The following CCNY variants were observed in gnomAD, a reference collection of about 807,000 sequenced individuals.
CCNY encodes the protein cyclin-Y.
Under a neutral mutation model 42.8 loss-of-function variants are expected in CCNY, and 19 were observed. The observed-to-expected ratio is 0.44, with a 90% CI of 0.31 to 0.65. The LOEUF (loss-of-function observed/expected upper bound fraction) is 0.65, where lower values mean the gene tolerates loss of function less well. Among genes scored for constraint, CCNY ranks in the 30% least tolerant of loss-of-function variants. The probability of loss-of-function intolerance (pLI) is 0.07; values close to 1 mark genes in which losing one functional copy is unlikely to be tolerated. For synonymous variants in CCNY, 165 were observed against 162.7 expected (o/e 1.01, Z -0.11); for missense variants, 370 against 437.3 (o/e 0.85, Z 1.37).
At chr10:35,384,830 A>G (rs1358086364) in intron 1 of CCNY, among the ~76,000 whole-genome samples, 1 of 152,160 alleles carries the variant, frequency 6.6e-6, no homozygotes, top group Non-Finnish European at 1.5e-5. Context: ...CTTCCGAGAC[A>G]GCAGGCCTGC....
At chr10:35,454,191 C>T (rs548152198) in intron 1 of CCNY, among the ~76,000 whole-genome samples, 104 of 152,310 alleles carry the variant, frequency 6.8e-4, no homozygotes, top group African/African-American at 2.4e-3. Context: ...CCCTGCCCAA[C>T]GGCACGCAAC....
At chr10:35,266,755 T>C (rs1589007451) in intron 3 of CCNY, among the ~76,000 whole-genome samples, 1 of 152,250 alleles carries the variant, frequency 6.6e-6, no homozygotes, top group East Asian at 1.9e-4. Flanking sequence ...GATTTGAATG[T>C]AATTCATTCC....
At chr10:35,509,422 C>T (rs900506569) in intron 3 of CCNY, among the ~76,000 whole-genome samples, 1 of 151,970 alleles carries the variant, frequency 6.6e-6, no homozygotes, top group African/African-American at 2.4e-5. Context: ...ATTACAGGCA[C>T]CTTCCACCAC....
intron 1 of CCNY, among the ~76,000 whole-genome samples, chr10:35,450,354 G>A (rs756307937): frequency 2.6e-5 from 4 of 152,126 alleles, no homozygotes; most frequent in Non-Finnish European, 4.4e-5. Flanking sequence ...GCAGGGCAGT[G>A]GCATCCTGGG....
intron 1 of CCNY, among the ~76,000 whole-genome samples, chr10:35,472,547 C>A (rs1272801165): frequency 6.6e-6 from 1 of 152,092 alleles, no homozygotes; most frequent in Non-Finnish European, 1.5e-5. Flanking sequence ...ATCCTCAGTA[C>A]CTGTAACTCA....
intron 3 of CCNY, among the ~76,000 whole-genome samples, chr10:35,318,498 GT>G (rs1402031380): frequency 6.6e-6 from 1 of 152,106 alleles, no homozygotes; most frequent in East Asian, 1.9e-4. Flanking sequence ...TTTTAATTAG[GT>G]TATATACAGA....
intron 7 of CCNY, among the ~76,000 whole-genome samples, chr10:35,549,103 A>ACG (rs1841184952): frequency 1.9e-5 from 1 of 51,920 alleles, no homozygotes; most frequent in African/African-American, 6.3e-5. Context: ...CACCCACCCC[A>ACG]CCCCCCCCCG....
chr10:35,365,381 A>G (rs537871031), intron 1 of CCNY, among the ~76,000 whole-genome samples: 2 of 152,342 alleles, frequency 1.3e-5, no homozygotes, highest in African/African-American at 2.4e-5. Flanking sequence ...CTTAAAGCCA[A>G]TACATAGATT....
chr10:35,483,590 G>T, intron 2 of CCNY, 112 bp downstream of exon 2: 2 of 687,888 alleles, frequency 2.9e-6, no homozygotes, highest in South Asian at 1.8e-5. Flanking sequence ...TCCCTTTAGT[G>T]ACCCACACAT....
chr10:35,261,274 C>T (rs942800807), intron 3 of CCNY, among the ~76,000 whole-genome samples: 25 of 141,740 alleles, frequency 1.8e-4, no homozygotes, highest in African/African-American at 5.6e-4. Context: ...GAGTCTCTGT[C>T]GCCGAGGCTG....
At chr10:35,280,183 C>A (rs1461544449) in intron 3 of CCNY, among the ~76,000 whole-genome samples, 1 of 152,038 alleles carries the variant, frequency 6.6e-6, no homozygotes, top group Non-Finnish European at 1.5e-5. Context: ...AAAAATTAGC[C>A]AAGCATGGTG....
intron 1 of CCNY, among the ~76,000 whole-genome samples, chr10:35,409,124 G>A (rs1564400163): frequency 6.6e-6 from 1 of 152,114 alleles, no homozygotes; most frequent in Admixed American, 6.5e-5. Flanking sequence ...GTTAGATTGT[G>A]TATTGCAACC....
chr10:35,414,464 A>T (rs1445959012), intron 1 of CCNY, among the ~76,000 whole-genome samples: 1 of 152,200 alleles, frequency 6.6e-6, no homozygotes, highest in Non-Finnish European at 1.5e-5. Context: ...GACAACTTGC[A>T]GGGGGGAAGT....
At chr10:35,460,211 C>G (rs1196871244) in intron 1 of CCNY, among the ~76,000 whole-genome samples, 2 of 152,228 alleles carry the variant, frequency 1.3e-5, no homozygotes, top group Admixed American at 6.5e-5. Flanking sequence ...TTTAACATCT[C>G]TGAGCCTCTT....
At position 35,517,110 on chromosome 10, in the gene CCNY, G is replaced by C. The variant is rs367712108; in HGVS notation, c.365+487G>C. On this transcript the variant is annotated intron_variant, in intron 4 of 9. Coordinates refer to ENST00000374704, the MANE Select transcript of CCNY (RefSeq NM_145012.6). The stretch of plus-strand genomic sequence containing the variant: ...ACACTTGCCTGGGGTCTGGAGATCT[G>C]AGTTCTGACCATGGCTCTCTCACCA... Among the ~76,000 whole-genome samples, 3 of 152,272 alleles carry C rather than the reference G, an allele frequency of 2.0e-5. No homozygotes were observed. In the East Asian group the frequency reaches 5.8e-4, roughly 29 times the overall value.
intron 9 of CCNY, among the ~76,000 whole-genome samples, chr10:35,567,431 C>G (rs1039075588): frequency 1.3e-5 from 2 of 152,232 alleles, no homozygotes; most frequent in Non-Finnish European, 2.9e-5. Context: ...GGAGAGACCC[C>G]TCCTCCAGAG....
At chr10:35,303,248 T>C (rs2135076099) in intron 3 of CCNY, among the ~76,000 whole-genome samples, 1 of 151,840 alleles carries the variant, frequency 6.6e-6, no homozygotes, top group Non-Finnish European at 1.5e-5. Flanking sequence ...TGGCATGACC[T>C]CGGCTCACCG....
chr10:35,398,136 G>A (rs780628431), intron 1 of CCNY, among the ~76,000 whole-genome samples: 32 of 152,194 alleles, frequency 2.1e-4, no homozygotes, highest in South Asian at 4.1e-4. Context: ...TGATCAAGGA[G>A]CATGACCAGG....
At chr10:35,398,427 C>A (rs1473307011) in intron 1 of CCNY, among the ~76,000 whole-genome samples, 1 of 152,186 alleles carries the variant, frequency 6.6e-6, no homozygotes, top group Non-Finnish European at 1.5e-5. Flanking sequence ...CTGTGCTAAT[C>A]CTCTCAGGTC....
Sources: gnomAD v4.1 joint callset for allele counts (sites outside exome capture counted in the v4.1 genomes callset) on GRCh38, gnomAD v4.1.1 for gene constraint, MANE v1.5 for transcripts, NCBI Gene and HGNC (gene_info 2026-07-23, HGNC 2026-07-21) for gene names.